The following SNRNP70 variants were observed in gnomAD, a reference collection of about 807,000 sequenced individuals.
SNRNP70 encodes small nuclear ribonucleoprotein U1 subunit 70, also known as U1 small nuclear ribonucleoprotein 70 kDa.
A neutral mutation model predicts 50.5 loss-of-function variants in SNRNP70; 8 were observed. That is an observed-to-expected ratio of 0.16 (90% CI 0.09 to 0.29). SNRNP70 has a LOEUF of 0.29. SNRNP70 is among the 10% of genes least tolerant of loss of function. SNRNP70 has a pLI of 1.00. For missense variants in SNRNP70, 529 were observed against 663.5 expected, an observed-to-expected ratio of 0.80 and a Z score of 2.23; for synonymous variants, 320 against 252.9, an observed-to-expected ratio of 1.27 and a Z score of -2.52.
rs1430422662 is a variant in SNRNP70 at position 49,108,221 on chromosome 19, G to A, written c.1092G>A (p.Arg364=). Reference sequence around the variant, plus strand: ...GGAGCCACCGGAGCGAGCGCGAGCGGCGCCGGGACCGGGATCGTGACCGTG... The same window carrying A: ...GGAGCCACCGGAGCGAGCGCGAGCGACGCCGGGACCGGGATCGTGACCGTG... ...RRRSHRSERE[R]RRDRDRDRDR... Residue 364 remains arginine, a synonymous_variant, in exon 10 of 10, where the codon CGG becomes CGA. Transcript: ENST00000598441. 5 of 1,535,686 alleles carry A rather than the reference G, an allele frequency of 3.3e-6. No homozygotes were observed. Among genetic ancestry groups the A allele is most frequent in the African/African-American group, 1.4e-5 (1 of 72,658 alleles).
In SNRNP70 at chr19:49,085,612, G is replaced by C. The variant is rs1051065275; in HGVS notation, c.-35G>C. 21 of 455,960 alleles carry C rather than the reference G, an allele frequency of 4.6e-5. No individual in the cohort carries two copies. The highest frequency in any genetic ancestry group is 7.9e-5 in the Non-Finnish European group (18 of 226,800). 28.2% of individuals were successfully genotyped at this position (455,960 alleles called of 1,614,324 possible). The stretch of plus-strand genomic sequence containing the variant: ...AGCCGCCGCGAGCCTCCGGACAGAC[G>C]CCAGAGCGAGGAGGGCGCTACGCGG... On this transcript the variant is annotated 5_prime_UTR_variant, in exon 1 of 10. Transcript: ENST00000598441.
intron 6 of SNRNP70, among the ~76,000 whole-genome samples, chr19:49,099,671 G>A (rs1426319106): frequency 1.3e-5 from 2 of 150,514 alleles, no homozygotes; most frequent in African/African-American, 2.5e-5. Flanking sequence ...CCCAGGAGGC[G>A]GAGGTTGCAG....
At chr19:49,090,171 TG>T in intron 2 of SNRNP70, 119 bp from the exon 3 acceptor site, 1 of 813,516 alleles carries the variant, frequency 1.2e-6, no homozygotes, top group Non-Finnish European at 2.1e-6. Flanking sequence ...GAAGTGTGCG[TG>T]GATGTTTATT....
chr19:49,100,495 T>A (rs928793278), intron 6 of SNRNP70, among the ~76,000 whole-genome samples: 1 of 152,166 alleles, frequency 6.6e-6, no homozygotes, highest in Non-Finnish European at 1.5e-5. Flanking sequence ...CACGTGTCCT[T>A]TCTTTTTCCC....
rs1452682544 is a variant in SNRNP70 at position 49,086,537 on chromosome 19, T to G, written c.123T>G (p.Ile41Met). The G allele has an allele frequency of 6.2e-7, 1 of 1,613,980 alleles. No individual in the cohort carries two copies. The highest frequency in any genetic ancestry group is 8.5e-7 in the Non-Finnish European group (1 of 1,179,974). The change falls in exon 2 of 10, where the codon ATT becomes ATG. Residue 41 changes from isoleucine (I) to methionine (M), a missense_variant. By Grantham distance (10) the Ile-to-Met change is conservative. Around this residue, in one of 4 missense-constraint regions of SNRNP70, gnomAD observed 149 missense variants for 259.7 expected, o/e 0.57. Transcript: ENST00000598441. Reference sequence around the variant, plus strand: ...ACCACAATCAACCTTATTGTGGCATTGCGCCGTACATTCGAGAGTTTGAGG... The same window carrying G: ...ACCACAATCAACCTTATTGTGGCATGGCGCCGTACATTCGAGAGTTTGAGG... ...EKHHNQPYCG[I>M]APYIREFEDP... is the part of the protein sequence containing the mutation.
intron 5 of SNRNP70, 32 bp from the exon 6 acceptor site, chr19:49,098,610 T>C: frequency 6.2e-7 from 1 of 1,608,732 alleles, no homozygotes; most frequent in East Asian, 2.2e-5. Context: ...AGCTCTGTTC[T>C]CCCATTTAAC....
intron 4 of SNRNP70, 155 bp downstream of exon 4, chr19:49,090,675 T>C: frequency 2.8e-6 from 2 of 716,618 alleles, no homozygotes; most frequent in East Asian, 5.4e-5. Context: ...TCACAAGCAC[T>C]GTTTTTGGTT....
chr19:49,090,019 C>T lies in SNRNP70; in HGVS notation c.148-272C>T, dbSNP rs539546516. On this transcript the variant is annotated intron_variant, in intron 2 of 9. Transcript: ENST00000598441. Reference sequence around the variant, plus strand: ...GAGATGGTGTTTCACTGTGTTGTCCCAGGCTGGTCTGAAACCCCTAGGCTC... The same window carrying T: ...GAGATGGTGTTTCACTGTGTTGTCCTAGGCTGGTCTGAAACCCCTAGGCTC... 3.9e-5 allele frequency among the ~76,000 whole-genome samples: 6 copies of T among 152,068 alleles called. No individual in the cohort carries two copies. In the East Asian group the frequency reaches 1.2e-3, roughly 29 times the overall value.
In SNRNP70 at chr19:49,104,768, G is replaced by C. The variant is rs1226333126; in HGVS notation, c.577+33G>C. 2 of 1,397,750 alleles carry C rather than the reference G, an allele frequency of 1.4e-6. No individual in the cohort carries two copies. The highest frequency in any genetic ancestry group is 1.9e-6 in the Non-Finnish European group (2 of 1,034,774). 86.6% of individuals were successfully genotyped at this position (1,397,750 alleles called of 1,614,324 possible). On this transcript the variant is annotated intron_variant, in intron 8 of 9. Coordinates refer to ENST00000598441, the MANE Select transcript of SNRNP70 (RefSeq NM_003089.6). The surrounding 1 kb of genome is among the most constrained non-coding windows in gnomAD (Gnocchi z 5.4). ...CATCCTGCCTTCGACGGGCTCTCGG[G>C]GGCCCTGGGCCTGGTGGCCTTGTTC... is the stretch of plus-strand genomic sequence containing the variant.
chr19:49,096,589 A>T (rs1268539389), intron 4 of SNRNP70, among the ~76,000 whole-genome samples: 2 of 150,290 alleles, frequency 1.3e-5, no homozygotes, highest in African/African-American at 4.9e-5. Context: ...AACATAGTGA[A>T]ACCCCGTCTC....
At chr19:49,096,002 C>T (rs1472723450) in intron 4 of SNRNP70, among the ~76,000 whole-genome samples, 2 of 143,760 alleles carry the variant, frequency 1.4e-5, no homozygotes, top group East Asian at 4.0e-4. Flanking sequence ...AAAGCCAGTG[C>T]AGATTGAGAG....
rs1437902479 is a variant in SNRNP70 at position 49,104,459 on chromosome 19, C to T, written c.476-175C>T. 5 of 611,594 alleles carry T rather than the reference C, an allele frequency of 8.2e-6. No homozygotes were observed. The highest frequency in any genetic ancestry group is 1.9e-5 in the South Asian group (1 of 53,930). 37.9% of individuals were successfully genotyped at this position (611,594 alleles called of 1,614,324 possible). A position where few individuals can be genotyped will look rare whatever the true frequency, so the allele number is the denominator to read the frequency against. On this transcript the variant is annotated intron_variant, in intron 7 of 9. Transcript: ENST00000598441. This position sits in a 1 kb window ranked among gnomAD's most constrained non-coding sequence, Gnocchi z 5.4. Reference sequence around the variant, plus strand: ...AGCAGACGCTGAGATGGAGCAGGCCCTTCACCGGTTTGGGAGAGGGTTGGT... The same window carrying T: ...AGCAGACGCTGAGATGGAGCAGGCCTTTCACCGGTTTGGGAGAGGGTTGGT...
At chr19:49,087,700 G>T (rs2122302712) in intron 2 of SNRNP70, 1 of 152,342 alleles carries the variant, frequency 6.6e-6, no homozygotes, top group Middle Eastern at 3.4e-3. Flanking sequence ...GTTACAAGAA[G>T]AACGTTCTAG....
chr19:49,099,580 A>T (rs903358592), intron 6 of SNRNP70, among the ~76,000 whole-genome samples: 1 of 151,644 alleles, frequency 6.6e-6, no homozygotes, highest in Admixed American at 6.6e-5. Flanking sequence ...AAAAAAAAAA[A>T]ATACAAAAAT....
At chr19:49,097,440 G>A (rs1016826211) in intron 4 of SNRNP70, among the ~76,000 whole-genome samples, 6 of 152,222 alleles carry the variant, frequency 3.9e-5, no homozygotes, top group African/African-American at 1.4e-4. Flanking sequence ...CGCTAAGCAT[G>A]TGGGAGTTAT....
In SNRNP70 at chr19:49,101,974, C is replaced by T. The variant is rs539345845; in HGVS notation, c.475+503C>T. ...GCAGTGGGGTGATAGGCATGTTGAG[C>T]GCCTGCCCCTACAGTTCCAAAGCCC... is the stretch of plus-strand genomic sequence containing the variant. On this transcript the variant is annotated intron_variant, in intron 7 of 9. Coordinates refer to ENST00000598441, the MANE Select transcript of SNRNP70 (RefSeq NM_003089.6). 9.1e-5 allele frequency: 38 copies of T among 419,430 alleles called. 1 individual carries two copies. In the East Asian group the frequency reaches 1.9e-3, roughly 21 times the overall value. The allele number at this position is 419,430 out of a possible 1,614,324, so 26.0% of individuals were successfully genotyped here. A position where few individuals can be genotyped will look rare whatever the true frequency, so the allele number is the denominator to read the frequency against.
At chr19:49,097,387 T>G (rs2040526363) in intron 4 of SNRNP70, among the ~76,000 whole-genome samples, 1 of 152,220 alleles carries the variant, frequency 6.6e-6, no homozygotes, top group South Asian at 2.1e-4. Context: ...TGGGCCATAG[T>G]ACGTGTTCAG....
intron 6 of SNRNP70, 108 bp downstream of exon 6, chr19:49,098,812 C>T (rs963920589): frequency 1.1e-6 from 1 of 882,762 alleles, no homozygotes; most frequent in Admixed American, 1.8e-5. Context: ...CACACCATTT[C>T]AGGGCCTGGA....
chr19:49,085,611 C>T lies in SNRNP70; in HGVS notation c.-36C>T, dbSNP rs1330548957. 2 of 455,970 alleles carry T rather than the reference C, an allele frequency of 4.4e-6. No homozygotes were observed. The highest frequency in any genetic ancestry group is 2.0e-5 in the African/African-American group (1 of 50,078). 28.2% of individuals were successfully genotyped at this position (455,970 alleles called of 1,614,324 possible). On this transcript the variant is annotated 5_prime_UTR_variant, in exon 1 of 10. The change creates a new upstream start codon in the 5' untranslated region. Transcript: ENST00000598441. ...CAGCCGCCGCGAGCCTCCGGACAGA[C>T]GCCAGAGCGAGGAGGGCGCTACGCG...
Sources: allele counts gnomAD v4.1 joint callset (sites outside exome capture counted in the v4.1 genomes callset), GRCh38; gene constraint gnomAD v4.1.1; regional missense constraint gnomAD v4.1.1; non-coding constraint Gnocchi (gnomAD v3.1); transcripts MANE v1.5; gene names NCBI Gene and HGNC (gene_info 2026-07-23, HGNC 2026-07-21).